The following ZBTB16 variants were observed in gnomAD, a reference collection of about 807,000 sequenced individuals.
ZBTB16 encodes zinc finger and BTB domain-containing protein 16.
In ZBTB16, 8 loss-of-function variants were observed where a neutral mutation model predicts 56.8. The ratio of observed to expected loss-of-function variants is 0.14; its 90% confidence interval spans 0.08 to 0.25. The LOEUF is 0.25. ZBTB16 is among the 10% of genes least tolerant of loss of function. The pLI is 1.00. For missense variants in ZBTB16, 625 were observed against 903.0 expected, an observed-to-expected ratio of 0.69 and a Z score of 3.95; for synonymous variants, 363 against 368.5, an observed-to-expected ratio of 0.98 and a Z score of 0.17.
intron 3 of ZBTB16, among the ~76,000 whole-genome samples, chr11:114,160,488 A>G (rs1157580584): frequency 1.3e-5 from 2 of 152,108 alleles, no homozygotes; most frequent in Non-Finnish European, 2.9e-5. Context: ...TCGACAATGC[A>G]GGTCTTATTT....
chr11:114,074,225 C>T (rs1027136570), intron 2 of ZBTB16, among the ~76,000 whole-genome samples: 9 of 152,214 alleles, frequency 5.9e-5, no homozygotes, highest in East Asian at 1.9e-4. Flanking sequence ...CCTCACCCGG[C>T]GTTGTGCTCT....
Position 114,171,098 on chromosome 11 carries a change from G to T in ZBTB16, c.1366+14664G>T, listed in dbSNP as rs538624676. On this transcript the variant is annotated intron_variant, in intron 3 of 6. Transcript: ENST00000335953. ...TGGAGTATAGGCTCGAGAGGGACAG[G>T]TGCAGCCTTTGAAGCTGACCCGGGA... 3.3e-5 allele frequency among the ~76,000 whole-genome samples: 5 copies of T among 152,318 alleles called. No homozygotes were observed. In the Middle Eastern group the frequency reaches 0.014, roughly 414 times the overall value.
chr11:114,127,818 C>G (rs987281789), intron 2 of ZBTB16, among the ~76,000 whole-genome samples: 5 of 152,196 alleles, frequency 3.3e-5, no homozygotes, highest in Non-Finnish European at 5.9e-5. Context: ...ATATGTGCTT[C>G]CTCCACAGTC....
chr11:114,127,747 C>A (rs1310840321), intron 2 of ZBTB16, among the ~76,000 whole-genome samples: 1 of 152,162 alleles, frequency 6.6e-6, no homozygotes, highest in South Asian at 2.1e-4. Flanking sequence ...GCTGGTGAAG[C>A]CTGAATCTTC....
chr11:114,108,378 G>C (rs1347745930), intron 2 of ZBTB16, among the ~76,000 whole-genome samples: 1 of 152,158 alleles, frequency 6.6e-6, no homozygotes, highest in African/African-American at 2.4e-5. Context: ...GTGCGAATCT[G>C]TGAGCCAGCT....
At chr11:114,136,211 T>A (rs574753243) in intron 2 of ZBTB16, among the ~76,000 whole-genome samples, 28 of 152,208 alleles carry the variant, frequency 1.8e-4, no homozygotes, top group Non-Finnish European at 3.7e-4. Context: ...GTTTTTAAAA[T>A]AAGCGAATTC....
chr11:114,200,442 T>C (rs1304676318), intron 4 of ZBTB16, among the ~76,000 whole-genome samples: 1 of 152,230 alleles, frequency 6.6e-6, no homozygotes, highest in Non-Finnish European at 1.5e-5. Flanking sequence ...CAGAACGTGG[T>C]CTGTGCCCAG....
chr11:114,127,564 A>T (rs1039055675), intron 2 of ZBTB16, among the ~76,000 whole-genome samples: 1 of 152,216 alleles, frequency 6.6e-6, no homozygotes, highest in East Asian at 1.9e-4. Context: ...GTTGCTAAGA[A>T]TACTTTGCTT....
intron 2 of ZBTB16, 100 bp from the exon 3 acceptor site, chr11:114,156,237 C>T (rs1431782652): frequency 1.1e-5 from 13 of 1,185,082 alleles, no homozygotes; most frequent in Admixed American, 1.9e-5. Flanking sequence ...TTCCGCCTGT[C>T]ACCTGCCAGA....
At chr11:114,240,907 T>G (rs908244221) in intron 4 of ZBTB16, among the ~76,000 whole-genome samples, 15 of 152,224 alleles carry the variant, frequency 9.9e-5, no homozygotes, top group African/African-American at 3.6e-4. Flanking sequence ...TTGACGTGGT[T>G]TGCAAGACCC....
At chr11:114,206,843 G>C (rs1591781846) in intron 4 of ZBTB16, among the ~76,000 whole-genome samples, 1 of 152,210 alleles carries the variant, frequency 6.6e-6, no homozygotes, top group African/African-American at 2.4e-5. Context: ...GCTGTGGCTA[G>C]ACACCTATGG....
chr11:114,141,978 A>G (rs1379396797), intron 2 of ZBTB16, among the ~76,000 whole-genome samples: 1 of 152,192 alleles, frequency 6.6e-6, no homozygotes, highest in African/African-American at 2.4e-5. Context: ...TTGGTATTAC[A>G]GTTATCACTT....
chr11:114,077,075 T>C (rs1365146717), intron 2 of ZBTB16, among the ~76,000 whole-genome samples: 1 of 152,220 alleles, frequency 6.6e-6, no homozygotes, highest in African/African-American at 2.4e-5. Flanking sequence ...TAACTGGATG[T>C]AATTGCTTCC....
chr11:114,091,310 T>G (rs1940177106), intron 2 of ZBTB16, among the ~76,000 whole-genome samples: 1 of 152,178 alleles, frequency 6.6e-6, no homozygotes. Context: ...ATTGCACCAC[T>G]GCACTTCAGC....
At chr11:114,135,648 G>A (rs1423025821) in intron 2 of ZBTB16, among the ~76,000 whole-genome samples, 4 of 152,100 alleles carry the variant, frequency 2.6e-5, no homozygotes. Flanking sequence ...TTAGCCTAGC[G>A]AGACCCATTT....
chr11:114,205,529 T>C (rs1943847158), intron 4 of ZBTB16, among the ~76,000 whole-genome samples: 1 of 152,136 alleles, frequency 6.6e-6, no homozygotes, highest in African/African-American at 2.4e-5. Context: ...CCATTACAGA[T>C]TGGAAATGAC....
At chr11:114,105,306 T>TGGCA (rs1940751664) in intron 2 of ZBTB16, among the ~76,000 whole-genome samples, 3 of 152,052 alleles carry the variant, frequency 2.0e-5, no homozygotes, top group Admixed American at 1.3e-4. Flanking sequence ...GCTGGCACGA[T>TGGCA]CTCGGCTCAC....
At position 114,143,969 on chromosome 11, in the gene ZBTB16, G is replaced by A. The variant is rs184225879; in HGVS notation, c.1269-12368G>A. 9.6e-4 allele frequency among the ~76,000 whole-genome samples: 146 copies of A among 152,246 alleles called. 1 individual carries two copies. The highest frequency in any genetic ancestry group is 1.9e-4 in the East Asian group (1 of 5,170). ...TTTCCTGTGTGCTCGGGAGCCTTGC[G>A]TGTAAGGAGCAAGAGGAGCACGCAA... On this transcript the variant is annotated intron_variant, in intron 2 of 6. Coordinates refer to ENST00000335953, the MANE Select transcript of ZBTB16 (RefSeq NM_006006.6). The surrounding 1 kb of genome is among the most constrained non-coding windows in gnomAD (Gnocchi z 6.4).
intron 6 of ZBTB16, among the ~76,000 whole-genome samples, chr11:114,249,959 CCTTT>C (rs1488222247): frequency 1.3e-5 from 2 of 151,958 alleles, no homozygotes; most frequent in African/African-American, 4.8e-5. Flanking sequence ...GACTTTGGGG[CCTTT>C]CTCTTTCTAG....
Sources: gnomAD v4.1 joint callset for allele counts (sites outside exome capture counted in the v4.1 genomes callset) on GRCh38, gnomAD v4.1.1 for gene constraint, Gnocchi (gnomAD v3.1) non-coding constraint, MANE v1.5 for transcripts, NCBI Gene and HGNC (gene_info 2026-07-23, HGNC 2026-07-21) for gene names.